Variants in RANGAP1 observed in about 807,000 individuals in gnomAD.
The protein encoded by RANGAP1 is Ran GTPase activating protein 1, also known as ran GTPase-activating protein 1.
Under a neutral mutation model 63.5 loss-of-function variants are expected in RANGAP1, and 38 were observed. The ratio of observed to expected loss-of-function variants is 0.60; its 90% CI spans 0.46 to 0.78. The LOEUF (loss-of-function observed/expected upper bound fraction) is 0.78. Among genes scored for constraint, RANGAP1 ranks in the 30% least tolerant of loss-of-function variants. RANGAP1 has a pLI of 0.00. For missense variants in RANGAP1, 630 were observed against 740.3 expected (o/e 0.85, Z 1.73); for synonymous variants, 329 against 310.5 (o/e 1.06, Z -0.63).
chr22:41,289,840 T>C, upstream of RANGAP1, among the ~76,000 whole-genome samples: 1 of 152,090 alleles, frequency 6.6e-6, no homozygotes, highest in East Asian at 1.9e-4. Flanking sequence ...CAAGTTACAG[T>C]GTGACTTACA....
intron 3 of RANGAP1, among the ~76,000 whole-genome samples, 163 bp from the exon 4 acceptor site, chr22:41,268,319 G>A (rs1286618295): frequency 2.0e-5 from 3 of 152,006 alleles, no homozygotes; most frequent in Admixed American, 2.0e-4. Context: ...GCAGTGGCGC[G>A]ATCTCAGCTG....
intron 6 of RANGAP1, among the ~76,000 whole-genome samples, chr22:41,259,292 G>C (rs1275772802): frequency 6.6e-6 from 1 of 152,152 alleles, no homozygotes; most frequent in African/African-American, 2.4e-5. Flanking sequence ...AGGGCAATGG[G>C]GGGAGCGGGT....
rs1033090726 is a variant in RANGAP1, at chr22:41,251,989, G to A, written c.1381-880C>T. On this transcript the variant is annotated intron_variant, in intron 12 of 15. Transcript: ENST00000356244. The stretch of plus-strand genomic sequence containing the variant: ...GAAATGTTAAGCCAACTCTGAGAGT[G>A]GGCCCATTTTATTTCTCTGTAACCT... Among the ~76,000 whole-genome samples the A allele has an allele frequency of 5.3e-5, 8 of 151,790 alleles. 1 individual carries two copies. The East Asian group carries it at 1.5e-3, about 29-fold the overall frequency.
At chr22:41,266,567 C>T (rs1465796745) in intron 4 of RANGAP1, among the ~76,000 whole-genome samples, 2 of 152,130 alleles carry the variant, frequency 1.3e-5, no homozygotes, top group Non-Finnish European at 2.9e-5. Context: ...GTCTCGCTTT[C>T]TCTCACCCAA....
chr22:41,280,776 T>C, intron 2 of RANGAP1, 157 bp downstream of exon 2: 1 of 1,527,336 alleles, frequency 6.5e-7, no homozygotes, highest in Non-Finnish European at 8.8e-7. Flanking sequence ...AAATGATCTC[T>C]GAGCCTCATT....
chr22:41,297,848 G>A, the RANGAP1 span, among the ~76,000 whole-genome samples: 52 of 150,566 alleles, frequency 3.5e-4, no homozygotes, highest in Non-Finnish European at 6.2e-4. Context: ...ACACCACCAC[G>A]CCCAGCTAAT....
chr22:41,298,412 T>C, the RANGAP1 span, among the ~76,000 whole-genome samples: 1 of 152,008 alleles, frequency 6.6e-6, no homozygotes, highest in East Asian at 1.9e-4. Flanking sequence ...CCTCCCAGGT[T>C]CAAGCGATTC....
intron 5 of RANGAP1, among the ~76,000 whole-genome samples, chr22:41,264,186 ACTCTACACTGACCAGCCCAACGTGAAG>A (rs922072969): frequency 6.6e-6 from 1 of 151,878 alleles, no homozygotes; most frequent in Non-Finnish European, 1.5e-5. Flanking sequence ...AAGAAGCTCC[ACTCTACACTGACCAGCCCAACGTGAAG>A]CTCTACACTG....
At chr22:41,293,977 G>T in the RANGAP1 span, among the ~76,000 whole-genome samples, 1 of 151,694 alleles carries the variant, frequency 6.6e-6, no homozygotes, top group Non-Finnish European at 1.5e-5. Flanking sequence ...TAACTTTTTC[G>T]TTAAAAACAA....
intron 13 of RANGAP1, 29 bp downstream of exon 13, chr22:41,250,978 G>A: frequency 1.3e-6 from 2 of 1,588,138 alleles, no homozygotes; most frequent in Non-Finnish European, 1.7e-6. Context: ...GGGACAGAGG[G>A]CACCCAGGTC....
intron 15 of RANGAP1, among the ~76,000 whole-genome samples, chr22:41,248,257 C>G (rs918358702): frequency 4.6e-5 from 7 of 152,226 alleles, no homozygotes; most frequent in African/African-American, 1.4e-4. Flanking sequence ...TACCTAGCAC[C>G]TGGCAGAGGA....
intron 15 of RANGAP1, among the ~76,000 whole-genome samples, chr22:41,248,344 C>T (rs900537920): frequency 2.0e-5 from 3 of 152,276 alleles, no homozygotes; most frequent in East Asian, 1.9e-4. Flanking sequence ...GGGGGAAATG[C>T]GGCCAGAAGG....
At chr22:41,269,300 A>C (rs1373911663) in intron 3 of RANGAP1, among the ~76,000 whole-genome samples, 1 of 152,222 alleles carries the variant, frequency 6.6e-6, no homozygotes, top group East Asian at 1.9e-4. Flanking sequence ...TAGTTACCAG[A>C]GGCCTGGAAG....
intron 6 of RANGAP1, 28 bp downstream of exon 6, chr22:41,261,418 A>G: frequency 1.2e-6 from 2 of 1,613,898 alleles, no homozygotes; most frequent in Non-Finnish European, 1.7e-6. Flanking sequence ...TCAAGGCTGC[A>G]GGGGCAGGAT....
chr22:41,263,294 G>A (rs2034275923), intron 5 of RANGAP1, among the ~76,000 whole-genome samples: 1 of 152,222 alleles, frequency 6.6e-6, no homozygotes, highest in African/African-American at 2.4e-5. Flanking sequence ...AGAGTCTCTG[G>A]CTCTCCCAGC....
At chr22:41,275,774 G>A (rs932121409) in intron 2 of RANGAP1, among the ~76,000 whole-genome samples, 1 of 143,480 alleles carries the variant, frequency 7.0e-6, no homozygotes, top group Non-Finnish European at 1.5e-5. Context: ...GTGAGACTCT[G>A]TCTCAAGAAA....
At chr22:41,285,552 C>A (rs1002828567) in intron 1 of RANGAP1, 1 of 985,472 alleles carries the variant, frequency 1.0e-6, no homozygotes, top group Non-Finnish European at 1.2e-6. Context: ...ACATCGATTC[C>A]AGGGACAGCG....
chr22:41,262,823 C>T (rs977463685), intron 5 of RANGAP1, among the ~76,000 whole-genome samples: 2 of 152,218 alleles, frequency 1.3e-5, no homozygotes, highest in African/African-American at 4.8e-5. Context: ...AGGAGTCCAA[C>T]TTGGGTATGG....
At chr22:41,288,245 T>A (rs543761983), upstream of RANGAP1, among the ~76,000 whole-genome samples, 9 of 152,266 alleles carry the variant, frequency 5.9e-5, no homozygotes, top group African/African-American at 2.2e-4. Context: ...AGTCTCTCCC[T>A]CCTGCAGGTG....
Sources: allele counts gnomAD v4.1 joint callset (sites outside exome capture counted in the v4.1 genomes callset), GRCh38; gene constraint gnomAD v4.1.1; transcripts MANE v1.5; gene names NCBI Gene and HGNC (gene_info 2026-07-23, HGNC 2026-07-21).